Variants in PLCL2 observed in about 807,000 individuals in gnomAD.
The protein encoded by PLCL2 is inactive phospholipase C-like protein 2.
Under a neutral mutation model 79.6 loss-of-function variants are expected in PLCL2, and 4 were observed. The observed-to-expected ratio is 0.05, with a 90% CI of 0.02 to 0.11. The LOEUF (loss-of-function observed/expected upper bound fraction) is 0.11. PLCL2 is among the 10% of genes least tolerant of loss of function. The probability of loss-of-function intolerance (pLI) is 1.00; values close to 1 mark genes in which losing one functional copy is unlikely to be tolerated. For missense variants in PLCL2, 895 were observed against 1,291.0 expected (o/e 0.69, Z 4.70); for synonymous variants, 484 against 457.7 (o/e 1.06, Z -0.73).
chr3:17,025,098 G>A (rs1292285753), intron 3 of PLCL2, among the ~76,000 whole-genome samples: 1 of 152,190 alleles, frequency 6.6e-6, no homozygotes, highest in African/African-American at 2.4e-5. Context: ...GTAGGATGAT[G>A]TGAAGCCTGT....
At chr3:16,956,205 C>A (rs958138529) in intron 1 of PLCL2, among the ~76,000 whole-genome samples, 14 of 152,258 alleles carry the variant, frequency 9.2e-5, no homozygotes, top group Middle Eastern at 3.4e-3. Flanking sequence ...TACGTCCCAT[C>A]AATACCTAAT....
At chr3:16,989,171 A>G (rs1200212151) in intron 1 of PLCL2, among the ~76,000 whole-genome samples, 2 of 152,144 alleles carry the variant, frequency 1.3e-5, no homozygotes, top group East Asian at 3.9e-4. Flanking sequence ...TATTCTTCCA[A>G]AAAAATTTAT....
chr3:17,015,004 A>G (rs1443783417), intron 3 of PLCL2, 93 bp downstream of exon 3: 4 of 964,902 alleles, frequency 4.1e-6, no homozygotes, highest in Admixed American at 3.6e-5. Context: ...GCTGAAGTGC[A>G]CTTTCCTATT....
chr3:17,043,014 C>A, intron 4 of PLCL2, 65 bp downstream of exon 4: 1 of 1,064,092 alleles, frequency 9.4e-7, no homozygotes, highest in Non-Finnish European at 1.5e-6. Flanking sequence ...TGCCCCAAAA[C>A]TATTTCATTT....
At chr3:17,069,888 G>A (rs1446015931) in intron 5 of PLCL2, among the ~76,000 whole-genome samples, 1 of 152,052 alleles carries the variant, frequency 6.6e-6, no homozygotes, top group East Asian at 1.9e-4. Flanking sequence ...ATTGTTTGCA[G>A]ATCAGTAAAC....
intron 1 of PLCL2, among the ~76,000 whole-genome samples, chr3:16,890,226 A>G (rs916284398): frequency 8.6e-5 from 13 of 151,970 alleles, no homozygotes; most frequent in African/African-American, 2.9e-4. Flanking sequence ...CTCCTCCTCC[A>G]TTTTCCAGCC....
intron 1 of PLCL2, among the ~76,000 whole-genome samples, chr3:16,922,076 T>A (rs1697136686): frequency 6.6e-6 from 1 of 152,184 alleles, no homozygotes; most frequent in Non-Finnish European, 1.5e-5. Context: ...GGAAAATTTA[T>A]ACTTTTTAAT....
chr3:16,923,072 A>G (rs866355588), intron 1 of PLCL2, among the ~76,000 whole-genome samples: 7 of 152,252 alleles, frequency 4.6e-5, no homozygotes, highest in Non-Finnish European at 1.0e-4. Context: ...TTAAGTGTCA[A>G]AATAAGCTCG....
At position 17,037,783 on chromosome 3, in the gene PLCL2, A is replaced by C. The variant is rs1267461301; in HGVS notation, c.3019-5091A>C. On this transcript the variant is annotated intron_variant, in intron 3 of 5. Coordinates refer to ENST00000615277, the MANE Select transcript of PLCL2 (RefSeq NM_001144382.2). The stretch of plus-strand genomic sequence containing the variant: ...CTTAAGATGAAGGGCAATTCAGTGA[A>C]TTGTCTGAAATCAGACATAGGGTCC... Among the ~76,000 whole-genome samples the C allele has an allele frequency of 3.3e-5, 5 of 152,226 alleles. No homozygotes were observed. The East Asian group carries it at 9.6e-4, about 29-fold the overall frequency.
intron 1 of PLCL2, among the ~76,000 whole-genome samples, chr3:16,939,513 G>A (rs2086799124): frequency 6.6e-6 from 1 of 152,208 alleles, no homozygotes; most frequent in African/African-American, 2.4e-5. Context: ...TGTGAATGTT[G>A]TGCTGGACAG....
intron 1 of PLCL2, among the ~76,000 whole-genome samples, chr3:16,910,344 A>G (rs1696848872): frequency 6.6e-6 from 1 of 151,780 alleles, no homozygotes; most frequent in Non-Finnish European, 1.5e-5. Context: ...AATACCCTCC[A>G]AGTTCCTAAA....
chr3:16,986,199 C>T (rs886947476), intron 1 of PLCL2, among the ~76,000 whole-genome samples: 1 of 152,050 alleles, frequency 6.6e-6, no homozygotes, highest in Non-Finnish European at 1.5e-5. Context: ...ACTTTCTTAG[C>T]CTCCCTGAGT....
intron 1 of PLCL2, among the ~76,000 whole-genome samples, chr3:16,889,037 A>G (rs1559476411): frequency 6.6e-6 from 1 of 152,130 alleles, no homozygotes; most frequent in African/African-American, 2.4e-5. Flanking sequence ...TCCCCAGACA[A>G]TGGCAATCTT....
chr3:17,000,241 G>A (rs934871424), intron 1 of PLCL2, among the ~76,000 whole-genome samples: 8 of 152,080 alleles, frequency 5.3e-5, no homozygotes, highest in Admixed American at 3.9e-4. Context: ...CAGGCTGGTG[G>A]CCAAGTAAAC....
chr3:17,015,303 T>A (rs2064371901), intron 3 of PLCL2, among the ~76,000 whole-genome samples: 1 of 152,200 alleles, frequency 6.6e-6, no homozygotes, highest in Non-Finnish European at 1.5e-5. Flanking sequence ...AAATTTAACT[T>A]AAAAATGTAA....
intron 1 of PLCL2, among the ~76,000 whole-genome samples, chr3:16,954,070 C>G (rs1046847002): frequency 6.6e-6 from 1 of 152,032 alleles, no homozygotes; most frequent in African/African-American, 2.4e-5. Flanking sequence ...TACATGTGCA[C>G]AGTGTGCAGG....
intron 1 of PLCL2, among the ~76,000 whole-genome samples, chr3:16,935,026 C>G (rs547828771): frequency 1.3e-5 from 2 of 152,196 alleles, no homozygotes; most frequent in African/African-American, 4.8e-5. Context: ...AAGGCTAATA[C>G]GCCAATTGTC....
At chr3:17,022,115 A>T (rs192062893) in intron 3 of PLCL2, among the ~76,000 whole-genome samples, 355 of 152,142 alleles carry the variant, frequency 2.3e-3, no homozygotes, top group African/African-American at 8.0e-3. Flanking sequence ...AAAGGGGCAA[A>T]GGCAGATTGC....
intron 5 of PLCL2, among the ~76,000 whole-genome samples, chr3:17,087,737 C>T (rs1018965336): frequency 9.2e-5 from 14 of 151,930 alleles, no homozygotes; most frequent in African/African-American, 1.9e-4. Flanking sequence ...AGAAGGTTTG[C>T]GTAGGGAGGG....
Sources: allele counts gnomAD v4.1 joint callset (sites outside exome capture counted in the v4.1 genomes callset), GRCh38; gene constraint gnomAD v4.1.1; transcripts MANE v1.5; gene names NCBI Gene and HGNC (gene_info 2026-07-23, HGNC 2026-07-21).